Variants in ALB observed in about 807,000 individuals in gnomAD.
ALB encodes the protein serum albumin.
A neutral mutation model predicts 74.5 loss-of-function variants in ALB; 37 were observed. That is an observed-to-expected ratio of 0.50 (90% CI 0.38 to 0.65). ALB has a LOEUF of 0.65. Ranked by LOEUF, ALB falls within the 30% of genes least tolerant of loss-of-function variation. ALB has a pLI of 0.00. For missense variants in ALB, 685 were observed against 718.7 expected (o/e 0.95, Z 0.54); for synonymous variants, 249 against 251.6 (o/e 0.99, Z 0.10).
chr4:73,408,474 C>T (rs907421688), intron 3 of ALB, 120 bp from the exon 4 acceptor site: 7 of 867,668 alleles, frequency 8.1e-6, no homozygotes, highest in African/African-American at 1.7e-5. Flanking sequence ...GGAGGGGAAG[C>T]GGATTTTTAA....
intron 14 of ALB, 139 bp downstream of exon 14, chr4:73,420,460 TA>T (rs1560385685): frequency 3.9e-6 from 2 of 510,888 alleles, no homozygotes; most frequent in African/African-American, 3.9e-5. Flanking sequence ...TATTAGCTTT[TA>T]AAATTCTCAA....
chr4:73,414,992 C>T (rs1718977142), intron 8 of ALB, 43 bp from the exon 9 acceptor site: 1 of 1,607,106 alleles, frequency 6.2e-7, no homozygotes, highest in African/African-American at 1.3e-5. Flanking sequence ...ATTTTTTGTG[C>T]TCATTTGTCC....
At chr4:73,414,243 T>C (rs530067444) in intron 8 of ALB, among the ~76,000 whole-genome samples, 1 of 152,352 alleles carries the variant, frequency 6.6e-6, no homozygotes, top group East Asian at 1.9e-4. Flanking sequence ...CCTAAAATTA[T>C]GTACCCTACA....
chr4:73,416,606 G>T (rs1161755677), intron 10 of ALB, among the ~76,000 whole-genome samples: 2 of 152,070 alleles, frequency 1.3e-5, no homozygotes, highest in Non-Finnish European at 2.9e-5. Context: ...CCAAATCTTG[G>T]TATATCAGAA....
In ALB at chr4:73,419,569, T is replaced by C; in HGVS notation, c.1715T>C (p.Met572Thr). The change falls in exon 13 of 15, where the codon ATG becomes ACG. Residue 572 changes from methionine to threonine, a missense_variant. By Grantham distance (81) the Met-to-Thr change is moderately conservative (BLOSUM62 -1). Coordinates refer to ENST00000295897, the MANE Select transcript of ALB (RefSeq NM_000477.7). Reference sequence around the variant, plus strand: ...ACAAAAGAGCAACTGAAAGCTGTTATGGATGATTTCGCAGCTTTTGTAGAG... The same window carrying C: ...ACAAAAGAGCAACTGAAAGCTGTTACGGATGATTTCGCAGCTTTTGTAGAG... ...KATKEQLKAV[M>T]DDFAAFVEKC... The C allele has an allele frequency of 6.2e-7, 1 of 1,613,926 alleles. No individual in the cohort carries two copies. The highest frequency in any genetic ancestry group is 8.5e-7 in the Non-Finnish European group (1 of 1,179,930).
At chr4:73,418,644 G>T (rs999717095) in intron 12 of ALB, among the ~76,000 whole-genome samples, 21 of 152,118 alleles carry the variant, frequency 1.4e-4, no homozygotes, top group African/African-American at 5.1e-4. Context: ...AACCATAGGA[G>T]AATTTATTTC....
Position 73,405,057 on chromosome 4 carries a change from A to T in ALB, c.80-59A>T, listed in dbSNP as rs764783420. ...AATGGAAAGAAATATAAAAAGTAAC[A>T]TTATTACTTCTTGTTTTCTTCAGTA... On this transcript the variant is annotated intron_variant, in intron 1 of 14. Transcript: ENST00000295897. 13 of 1,476,934 alleles carry T rather than the reference A, an allele frequency of 8.8e-6. No individual in the cohort carries two copies. The African/African-American group carries it at 1.8e-4, about 21-fold the overall frequency. 91.5% of individuals were successfully genotyped at this position (1,476,934 alleles called of 1,614,324 possible).
chr4:73,420,459 T>C (rs1182088594), intron 14 of ALB, 138 bp downstream of exon 14: 1 of 512,052 alleles, frequency 2.0e-6, no homozygotes, highest in African/African-American at 2.0e-5. Context: ...ATATTAGCTT[T>C]TAAAATTCTC....
rs564591733 is a variant in ALB, at chr4:73,413,586, A to G, written c.1010A>G (p.Lys337Arg). Residue 337 changes from lysine to arginine, a missense_variant, in exon 8 of 15, where the codon AAG becomes AGG. Transcript: ENST00000295897. The part of the protein sequence containing the change: ...PSLAADFVES[K>R]DVCKNYAEAK... ...TTAGCTGCTGATTTTGTTGAAAGTA[A>G]GGATGTTTGCAAAAACTATGCTGAG... The G allele has an allele frequency of 2.3e-5, 37 of 1,614,036 alleles. No homozygotes were observed. Among genetic ancestry groups the G allele is most frequent in the Non-Finnish European group, 3.1e-5 (36 of 1,180,010 alleles).
At chr4:73,405,232 T>G in intron 2 of ALB, 59 bp downstream of exon 2, 2 of 1,391,588 alleles carry the variant, frequency 1.4e-6, no homozygotes, top group Admixed American at 3.4e-5. Context: ...TTTATTATTC[T>G]AAAGTGCTTA....
intron 4 of ALB, 174 bp from the exon 5 acceptor site, chr4:73,409,178 CCTT>C (rs1184420091): frequency 5.8e-6 from 4 of 687,438 alleles, no homozygotes; most frequent in Non-Finnish European, 9.7e-6. Flanking sequence ...CACACTTAAC[CCTT>C]TTTTCCACAT....
chr4:73,409,534 T>C (rs1291270915), intron 5 of ALB, 47 bp downstream of exon 5: 1 of 1,612,590 alleles, frequency 6.2e-7, no homozygotes, highest in Non-Finnish European at 8.5e-7. Flanking sequence ...TCCAACCTGA[T>C]TTTGTCCATT....
chr4:73,415,381 C>G, intron 9 of ALB: 1 of 531,006 alleles, frequency 1.9e-6, no homozygotes, highest in Non-Finnish European at 3.2e-6. Flanking sequence ...CTGAATAGAG[C>G]AATCTCTAAA....
At chr4:73,415,282 A>T in intron 9 of ALB, 115 bp downstream of exon 9, 1 of 1,299,588 alleles carries the variant, frequency 7.7e-7, no homozygotes, top group African/African-American at 1.5e-5. Flanking sequence ...TCTTTTCTTG[A>T]GATGGTTTCA....
At chr4:73,412,676 CT>C (rs1399520630) in intron 7 of ALB, among the ~76,000 whole-genome samples, 1 of 152,100 alleles carries the variant, frequency 6.6e-6, no homozygotes, top group East Asian at 1.9e-4. Context: ...AACTCCTGAC[CT>C]CAGGTGATCC....
chr4:73,404,371 C>T lies in ALB; in HGVS notation c.44C>T (p.Ser15Leu), dbSNP rs1483853152. ...TFISLLFLFS[S>L]AYSRGVFRRD... ...ATTTCCCTTCTTTTTCTCTTTAGCTCGGCTTATTCCAGGGGTGTGTTTCGT... is the reference window on the plus strand; with the variant it reads ...ATTTCCCTTCTTTTTCTCTTTAGCTTGGCTTATTCCAGGGGTGTGTTTCGT... Residue 15 changes from serine to leucine, a missense_variant, in exon 1 of 15, where the codon TCG becomes TTG. Transcript: ENST00000295897. The T allele has an allele frequency of 1.1e-5, 17 of 1,613,738 alleles. No homozygotes were observed. The highest frequency in any genetic ancestry group is 3.3e-5 in the Admixed American group (2 of 60,004).
At chr4:73,408,437 A>T (rs1391834594) in intron 3 of ALB, among the ~76,000 whole-genome samples, 157 bp from the exon 4 acceptor site, 1 of 152,180 alleles carries the variant, frequency 6.6e-6, no homozygotes, top group Non-Finnish European at 1.5e-5. Flanking sequence ...AGATGGTTAA[A>T]TCATCAGAAA....
chr4:73,412,944 T>A (rs1248423666), intron 7 of ALB, among the ~76,000 whole-genome samples: 2 of 152,202 alleles, frequency 1.3e-5, no homozygotes, highest in African/African-American at 4.8e-5. Flanking sequence ...ATTAAACTTA[T>A]GGGCAAATAC....
intron 13 of ALB, 58 bp downstream of exon 13, chr4:73,419,697 G>T (rs1719100185): frequency 1.9e-6 from 3 of 1,595,218 alleles, no homozygotes; most frequent in African/African-American, 1.3e-5. Flanking sequence ...TGTTTGGTTA[G>T]GCTAGGGCTT....
Sources: gnomAD v4.1 joint callset for allele counts (sites outside exome capture counted in the v4.1 genomes callset) on GRCh38, gnomAD v4.1.1 for gene constraint, MANE v1.5 for transcripts, NCBI Gene and HGNC (gene_info 2026-07-23, HGNC 2026-07-21) for gene names.